PKIB: variants seen among roughly 807,000 people sequenced by gnomAD.
The protein encoded by PKIB is PKI-beta.
Under a neutral mutation model 4.5 loss-of-function variants are expected in PKIB, and 2 were observed. The ratio of observed to expected loss-of-function variants is 0.44; its 90% CI spans 0.18 to 1.39. The LOEUF is 1.39. Among genes scored for constraint, PKIB ranks in the 40% most tolerant of loss-of-function variants. The pLI, the probability that PKIB is intolerant of heterozygous loss-of-function variation, is 0.27. For synonymous variants in PKIB, 38 were observed against 36.0 expected, an observed-to-expected ratio of 1.06 and a Z score of -0.20; for missense variants, 94 against 92.6, an observed-to-expected ratio of 1.02 and a Z score of -0.06.
chr6:122,515,497 G>C (rs1776720002), intron 2 of PKIB, among the ~76,000 whole-genome samples: 1 of 152,072 alleles, frequency 6.6e-6, no homozygotes, highest in African/African-American at 2.4e-5. Flanking sequence ...TGAGAATAAA[G>C]GCAAAGTCTT....
intron 2 of PKIB, among the ~76,000 whole-genome samples, chr6:122,639,509 A>G (rs1776048088): frequency 6.6e-6 from 1 of 152,206 alleles, no homozygotes; most frequent in Non-Finnish European, 1.5e-5. Flanking sequence ...GATCAGAGCT[A>G]AAGACACTGC....
At chr6:122,521,575 G>A (rs2114600742) in intron 2 of PKIB, among the ~76,000 whole-genome samples, 1 of 152,160 alleles carries the variant, frequency 6.6e-6, no homozygotes, top group South Asian at 2.1e-4. Context: ...AGCTACTCAG[G>A]AGGCTGAGGC....
intron 2 of PKIB, among the ~76,000 whole-genome samples, chr6:122,536,004 A>G (rs1489594532): frequency 1.3e-5 from 2 of 152,132 alleles, no homozygotes; most frequent in African/African-American, 4.8e-5. Flanking sequence ...CGCAGTGGCG[A>G]TCTCAGCTCA....
chr6:122,703,941 TAGAGAGAG>T (rs71021419), intron 3 of PKIB, among the ~76,000 whole-genome samples: 41 of 90,768 alleles, frequency 4.5e-4, no homozygotes, highest in Admixed American at 2.6e-3. Flanking sequence ...TATATATATA[TAGAGAGAG>T]AGAGAGAGAG....
chr6:122,538,085 G>A (rs1450642580), intron 2 of PKIB, among the ~76,000 whole-genome samples: 3 of 152,002 alleles, frequency 2.0e-5, no homozygotes, highest in Admixed American at 6.6e-5. Context: ...TTAGCCCTTT[G>A]TCAGATGAGT....
chr6:122,507,206 T>A (rs910559172), intron 2 of PKIB, among the ~76,000 whole-genome samples: 8 of 152,138 alleles, frequency 5.3e-5, no homozygotes, highest in African/African-American at 1.9e-4. Flanking sequence ...TTTAGGCAAC[T>A]GATAGTTGGC....
At chr6:122,663,247 G>T (rs1454611938) in intron 2 of PKIB, among the ~76,000 whole-genome samples, 1 of 152,076 alleles carries the variant, frequency 6.6e-6, no homozygotes, top group African/African-American at 2.4e-5. Flanking sequence ...TCTGATCCTG[G>T]TTTTGCTTAT....
intron 3 of PKIB, chr6:122,701,344 G>C: frequency 2.0e-6 from 2 of 998,236 alleles, no homozygotes; most frequent in Non-Finnish European, 1.5e-6. Flanking sequence ...CAGTCACCAG[G>C]CTAGACATGG....
rs751563794 is a variant in PKIB at position 122,726,005 on chromosome 6, T to C, written c.*810T>C. 1.3e-5 allele frequency: 2 copies of C among 152,202 alleles called. No homozygotes were observed. The highest frequency in any genetic ancestry group is 1.5e-5 in the Non-Finnish European group (1 of 68,026). 9.4% of individuals were successfully genotyped at this position (152,202 alleles called of 1,614,324 possible). On this transcript the variant is annotated 3_prime_UTR_variant, in exon 5 of 5. Transcript: ENST00000368452. ...GGCTTTTGTGTATGTCTGACTTGTT[T>C]TTAAATAACTTCCTCAGCAATGCAG...
chr6:122,614,504 G>A (rs947701113), intron 1 of PKIB, among the ~76,000 whole-genome samples: 1 of 152,026 alleles, frequency 6.6e-6, no homozygotes, highest in Non-Finnish European at 1.5e-5. Flanking sequence ...TATCCCCGTG[G>A]GGGTGTGGGA....
At chr6:122,563,272 G>A (rs1773085171) in intron 2 of PKIB, among the ~76,000 whole-genome samples, 1 of 152,080 alleles carries the variant, frequency 6.6e-6, no homozygotes, top group Non-Finnish European at 1.5e-5. Flanking sequence ...CCTGGCTCTG[G>A]GCTAGTACTG....
rs534379187 is a variant in PKIB, at chr6:122,591,021, T to A, written c.-161+5014T>A. On this transcript the variant is annotated intron_variant, in intron 3 of 6. Transcript: ENST00000392491. ...ATCTTTCACGAGTTTTGCCTTTTTT[T>A]AAAAAAAAAAACAGACAAACAAAAA... Among the ~76,000 whole-genome samples the A allele has an allele frequency of 1.6e-3, 227 of 146,138 alleles. 1 individual carries two copies. The highest frequency in any genetic ancestry group is 3.5e-3 in the Middle Eastern group (1 of 288).
At chr6:122,490,711 G>A (rs1176162981) in intron 2 of PKIB, among the ~76,000 whole-genome samples, 1 of 152,094 alleles carries the variant, frequency 6.6e-6, no homozygotes, top group Non-Finnish European at 1.5e-5. Flanking sequence ...TATGTTTCGT[G>A]TACAGCCTGC....
intron 3 of PKIB, among the ~76,000 whole-genome samples, chr6:122,696,923 T>A (rs1778599788): frequency 1.3e-5 from 2 of 152,160 alleles, no homozygotes; most frequent in African/African-American, 4.8e-5. Flanking sequence ...GGTGTCTTAG[T>A]CACCTCCTAT....
intron 2 of PKIB, among the ~76,000 whole-genome samples, chr6:122,566,620 TCCTCCCTTCCTCCCTC>T (rs1773203088): frequency 6.7e-6 from 1 of 148,632 alleles, no homozygotes; most frequent in Non-Finnish European, 1.5e-5. Flanking sequence ...ATTCCTCCCT[TCCTCCCTTCCTCCCTC>T]CCTCCCTTCC....
At chr6:122,589,399 ATG>A (rs1773951889) in intron 3 of PKIB, among the ~76,000 whole-genome samples, 2 of 152,108 alleles carry the variant, frequency 1.3e-5, no homozygotes, top group Non-Finnish European at 2.9e-5. Context: ...GATCCATGTG[ATG>A]TGTGTGTAAA....
intron 2 of PKIB, among the ~76,000 whole-genome samples, chr6:122,641,399 A>G (rs992290967): frequency 2.0e-5 from 3 of 152,150 alleles, no homozygotes; most frequent in Admixed American, 1.3e-4. Flanking sequence ...TTGGAAGAAA[A>G]CATCATTCTA....
intron 2 of PKIB, among the ~76,000 whole-genome samples, chr6:122,542,555 G>A (rs1777638875): frequency 6.6e-6 from 1 of 152,044 alleles, no homozygotes; most frequent in African/African-American, 2.4e-5. Flanking sequence ...CACAAATGCT[G>A]CTGCCTGATC....
chr6:122,686,202 T>A (rs887687454), intron 3 of PKIB, among the ~76,000 whole-genome samples: 4 of 152,212 alleles, frequency 2.6e-5, no homozygotes, highest in Non-Finnish European at 5.9e-5. Context: ...ATGGTAGCTC[T>A]GTTTTAATTT....
Sources: gnomAD v4.1 joint callset for allele counts (sites outside exome capture counted in the v4.1 genomes callset) on GRCh38, gnomAD v4.1.1 for gene constraint, MANE v1.5 for transcripts, NCBI Gene and HGNC (gene_info 2026-07-23, HGNC 2026-07-21) for gene names.